The following PAM variants were observed in gnomAD, a reference collection of about 807,000 sequenced individuals.
The protein encoded by PAM is peptidylglycine alpha-amidating monooxygenase, also known as peptidyl-glycine alpha-amidating monooxygenase.
A neutral mutation model predicts 122.1 loss-of-function variants in PAM; 72 were observed. That is an observed-to-expected ratio of 0.59 (90% confidence interval 0.49 to 0.72). PAM has a LOEUF of 0.72. PAM is among the 30% of genes least tolerant of loss of function. The probability of loss-of-function intolerance (pLI) is 0.00; values close to 1 mark genes in which losing one functional copy is unlikely to be tolerated. For synonymous variants in PAM, 389 were observed against 404.4 expected (o/e 0.96, Z 0.46); for missense variants, 1,106 against 1,183.7 (o/e 0.93, Z 0.96).
chr5:102,790,975 A>G (rs1192849066), intron 1 of PAM, among the ~76,000 whole-genome samples: 1 of 152,112 alleles, frequency 6.6e-6, no homozygotes, highest in African/African-American at 2.4e-5. Flanking sequence ...ACAAACAGAG[A>G]TTCAAAACCA....
chr5:102,886,952 G>A (rs1403005396), intron 3 of PAM, among the ~76,000 whole-genome samples: 1 of 152,068 alleles, frequency 6.6e-6, no homozygotes, highest in African/African-American at 2.4e-5. Flanking sequence ...AATACAGGTA[G>A]GAAAGTAAGT....
At chr5:102,819,829 T>C (rs148952748) in intron 1 of PAM, among the ~76,000 whole-genome samples, 151 of 152,246 alleles carry the variant, frequency 9.9e-4, no homozygotes, top group African/African-American at 3.4e-3. Flanking sequence ...AAAACACAGA[T>C]GGAGCTCATT....
intron 1 of PAM, among the ~76,000 whole-genome samples, chr5:102,785,228 T>TA (rs1239984539): frequency 2.6e-5 from 4 of 152,206 alleles, no homozygotes; most frequent in African/African-American, 9.7e-5. Flanking sequence ...GAAATGCAGA[T>TA]ATCTGGGCCC....
chr5:102,854,440 T>C (rs1361866985), intron 1 of PAM, among the ~76,000 whole-genome samples: 1 of 152,278 alleles, frequency 6.6e-6, no homozygotes, highest in East Asian at 1.9e-4. Context: ...AACTCAACTT[T>C]TAGTTATGAT....
intron 7 of PAM, among the ~76,000 whole-genome samples, chr5:102,934,981 G>C (rs1195164340): frequency 3.9e-5 from 6 of 152,042 alleles, no homozygotes; most frequent in African/African-American, 1.4e-4. Context: ...GAGGACTCTG[G>C]ATGTATCTGC....
chr5:102,936,718 T>C (rs910256888), intron 7 of PAM, among the ~76,000 whole-genome samples: 2 of 152,146 alleles, frequency 1.3e-5, no homozygotes, highest in Admixed American at 6.6e-5. Context: ...CAGTAAAAAC[T>C]GTAACAAACA....
intron 16 of PAM, among the ~76,000 whole-genome samples, chr5:102,995,549 G>C (rs1277857671): frequency 6.6e-6 from 1 of 151,932 alleles, no homozygotes; most frequent in Non-Finnish European, 1.5e-5. Context: ...TGAACTCCCT[G>C]ATTCTCAGTT....
At chr5:102,789,711 T>C (rs939534959) in intron 1 of PAM, among the ~76,000 whole-genome samples, 1 of 152,040 alleles carries the variant, frequency 6.6e-6, no homozygotes, top group African/African-American at 2.4e-5. Context: ...TGGAGATGGA[T>C]GGTGGTAATG....
chr5:102,909,618 G>C (rs1029316926), intron 4 of PAM, among the ~76,000 whole-genome samples: 3 of 151,780 alleles, frequency 2.0e-5, no homozygotes, highest in African/African-American at 7.2e-5. Context: ...CCAAGATGTT[G>C]ATGGGGGAGG....
Position 103,007,636 on chromosome 5 carries a change from T to C in PAM, c.2194T>C (p.Phe732Leu). The C allele has an allele frequency of 6.2e-7, 1 of 1,608,620 alleles. No homozygotes were observed. The highest frequency in any genetic ancestry group is 8.5e-7 in the Non-Finnish European group (1 of 1,175,070). Residue 732 changes from phenylalanine (F) to leucine (L), a missense_variant, in exon 20 of 26, where the codon TTT (phenylalanine) becomes CTT (leucine). Phe to Leu is a conservative substitution (Grantham distance 22). Around this residue, in one of 3 missense-constraint regions of PAM, gnomAD observed 333 missense variants for 335.6 expected, o/e 0.99. Transcript: ENST00000438793. ...IKHSSFGRNV[F>L]AISYIPGLLF... The stretch of plus-strand genomic sequence containing the variant: ...GCATTCATCATTTGGAAGAAATGTA[T>C]TTGCAATTTCATATATACCAGGTAT...
intron 5 of PAM, among the ~76,000 whole-genome samples, chr5:102,917,766 A>C (rs1287519647): frequency 6.6e-6 from 1 of 152,118 alleles, no homozygotes; most frequent in Admixed American, 6.6e-5. Context: ...TATTCTGATG[A>C]TGTTTCACTG....
chr5:102,957,538 C>CT (rs1323092506), intron 12 of PAM, among the ~76,000 whole-genome samples: 32 of 148,422 alleles, frequency 2.2e-4, no homozygotes, highest in African/African-American at 7.4e-4. Context: ...CTTTTCTTTT[C>CT]TTTTTTTTGA....
intron 12 of PAM, among the ~76,000 whole-genome samples, chr5:102,951,048 A>G (rs1285023882): frequency 2.0e-5 from 3 of 152,096 alleles, no homozygotes; most frequent in Non-Finnish European, 4.4e-5. Flanking sequence ...AACCTTCGGT[A>G]TCATACCTCT....
chr5:102,930,945 C>A (rs762790604), intron 7 of PAM, among the ~76,000 whole-genome samples: 1 of 152,232 alleles, frequency 6.6e-6, no homozygotes, highest in Admixed American at 6.5e-5. Context: ...TGACCAAACT[C>A]TAAGTCCAGG....
intron 5 of PAM, among the ~76,000 whole-genome samples, chr5:102,922,738 G>A (rs1368282359): frequency 6.6e-6 from 1 of 152,170 alleles, no homozygotes; most frequent in Admixed American, 6.5e-5. Flanking sequence ...ATTGGTTATA[G>A]GCATTTGTAA....
rs34022235 is a variant in PAM, at chr5:102,864,186, T to TATA, written c.-373-1637_-373-1636insATA. ...TTCATATATATATATATATATATAT[T>TATA]TTTTTTTTTTTTAAAGAACTTCAGG... On this transcript the variant is annotated intron_variant, in intron 1 of 25. Coordinates refer to ENST00000438793, the MANE Select transcript of PAM (RefSeq NM_001177306.2). 8.3e-4 allele frequency among the ~76,000 whole-genome samples: 99 copies of TATA among 119,704 alleles called. 1 individual carries two copies. The highest frequency in any genetic ancestry group is 2.6e-3 in the African/African-American group (71 of 27,392). 78.5% of individuals were successfully genotyped at this position (119,704 alleles called of 152,430 possible). A position where few individuals can be genotyped will look rare whatever the true frequency, so the allele number is the denominator to read the frequency against.
intron 3 of PAM, among the ~76,000 whole-genome samples, chr5:102,882,106 TATATAC>T (rs1561748012): frequency 3.4e-5 from 3 of 87,392 alleles, no homozygotes; most frequent in Admixed American, 2.7e-4. Context: ...TATATATATA[TATATAC>T]ACCACATTTT....
At chr5:102,809,848 T>C (rs1191247474) in intron 1 of PAM, among the ~76,000 whole-genome samples, 2 of 152,238 alleles carry the variant, frequency 1.3e-5, no homozygotes, top group Non-Finnish European at 2.9e-5. Context: ...GAAAATAGTC[T>C]AAATGCTTTG....
intron 1 of PAM, among the ~76,000 whole-genome samples, chr5:102,780,823 C>CTTTCTTTCTT (rs755169995): frequency 5.2e-5 from 6 of 116,296 alleles, no homozygotes; most frequent in Non-Finnish European, 1.1e-4. Context: ...TTCTTTCTTT[C>CTTTCTTTCTT]TTTCTTTCTT....
Sources: allele counts gnomAD v4.1 joint callset (sites outside exome capture counted in the v4.1 genomes callset), GRCh38; gene constraint gnomAD v4.1.1; regional missense constraint gnomAD v4.1.1; transcripts MANE v1.5; gene names NCBI Gene and HGNC (gene_info 2026-07-23, HGNC 2026-07-21).